The following PRKAG2 variants were observed in gnomAD, a reference collection of about 807,000 sequenced individuals.
PRKAG2 encodes the protein 5'-AMP-activated protein kinase subunit gamma-2.
In PRKAG2, 26 loss-of-function variants were observed where a neutral mutation model predicts 69.6. That is an observed-to-expected ratio of 0.37 (90% confidence interval 0.27 to 0.52). The LOEUF (loss-of-function observed/expected upper bound fraction) is 0.52, where lower values mean the gene tolerates loss of function less well. PRKAG2 is among the 20% of genes least tolerant of loss of function. The pLI is 0.90. For synonymous variants in PRKAG2, 293 were observed against 285.0 expected (o/e 1.03, Z -0.28); for missense variants, 557 against 740.0 (o/e 0.75, Z 2.87).
intron 1 of PRKAG2, among the ~76,000 whole-genome samples, chr7:151,797,721 C>T (rs2077628217): frequency 6.6e-6 from 1 of 152,180 alleles, no homozygotes; most frequent in African/African-American, 2.4e-5. Context: ...GAGGAAATAC[C>T]ATGGACTTAA....
At position 151,773,249 on chromosome 7, in the gene PRKAG2, G is replaced by A. The variant is rs138098152; in HGVS notation, c.466+7903C>T. Among the ~76,000 whole-genome samples the A allele has an allele frequency of 4.8e-3, 701 of 146,744 alleles. 6 individuals are homozygous for A. Among genetic ancestry groups the A allele is most frequent in the African/African-American group, 0.017 (669 of 39,764 alleles). ...GAAAGAAAGGAAAGGAAAGAAAGAA[G>A]GAAAGAAAGAAAGAAAGAGAAAGAA... On this transcript the variant is annotated intron_variant, in intron 3 of 15. Coordinates refer to ENST00000287878, the MANE Select transcript of PRKAG2 (RefSeq NM_016203.4).
intron 1 of PRKAG2, among the ~76,000 whole-genome samples, chr7:151,792,948 G>A (rs942891124): frequency 6.6e-6 from 1 of 152,210 alleles, no homozygotes; most frequent in African/African-American, 2.4e-5. Context: ...GGAGCCGGGG[G>A]CTGAGCCGGA....
At chr7:151,574,824 A>G (rs1808502375) in intron 8 of PRKAG2, 67 bp downstream of exon 8, 2 of 1,605,534 alleles carry the variant, frequency 1.2e-6, no homozygotes, top group Non-Finnish European at 1.7e-6. Context: ...AAATACACAC[A>G]TATACCTACA....
intron 1 of PRKAG2, among the ~76,000 whole-genome samples, chr7:151,861,263 G>C (rs1347956543): frequency 6.6e-6 from 1 of 152,212 alleles, no homozygotes; most frequent in Non-Finnish European, 1.5e-5. Flanking sequence ...GGGCATGGTA[G>C]CTCATGCCTG....
Position 151,763,068 on chromosome 7 carries a change from C to T in PRKAG2, c.466+18084G>A, listed in dbSNP as rs549540928. On this transcript the variant is annotated intron_variant, in intron 3 of 15. Transcript: ENST00000287878. ...CCGGCTCCTCCCCTCTCAGCCTGCA[C>T]GTGCTTCTCCCACCTTACAAAGAAC... Among the ~76,000 whole-genome samples the T allele has an allele frequency of 1.9e-4, 29 of 152,314 alleles. No homozygotes were observed. In the South Asian group the frequency reaches 5.2e-3, roughly 27 times the overall value.
intron 3 of PRKAG2, among the ~76,000 whole-genome samples, chr7:151,744,240 C>T (rs2074114141): frequency 6.6e-6 from 1 of 152,184 alleles, no homozygotes. Flanking sequence ...AGCCGGTGCC[C>T]CGGGGCCACG....
rs2075085703 is a variant in PRKAG2 at position 151,756,378 on chromosome 7, G to A, written c.466+24774C>T. On this transcript the variant is annotated intron_variant, in intron 3 of 15. Transcript: ENST00000287878. The surrounding 1 kb of genome is among the most constrained non-coding windows in gnomAD (Gnocchi z 4.9). ...TTTCCTGTCCTTGCAATGCTGGGAG[G>A]GACCCTAGATGGATTTGTGGGTGCA... is the stretch of plus-strand genomic sequence containing the variant. Among the ~76,000 whole-genome samples the A allele has an allele frequency of 6.6e-6, 1 of 152,228 alleles. No individual in the cohort carries two copies. Among genetic ancestry groups the A allele is most frequent in the Non-Finnish European group, 1.5e-5 (1 of 68,046 alleles).
intron 1 of PRKAG2, among the ~76,000 whole-genome samples, chr7:151,853,007 G>C (rs1465992897): frequency 6.6e-6 from 1 of 152,214 alleles, no homozygotes; most frequent in Non-Finnish European, 1.5e-5. Context: ...TCCAAAGGTA[G>C]GGGCGGCTGC....
In PRKAG2 at chr7:151,851,941, C is replaced by A. The variant is rs532515662; in HGVS notation, c.114+24566G>T. ...CTGGTGAAGGGCTTCCCTCCACTCC[C>A]TCTCAGCTGGAGGGCAGGGGGCAGT... is the stretch of plus-strand genomic sequence containing the variant. On this transcript the variant is annotated intron_variant, in intron 1 of 15. Coordinates refer to ENST00000287878, the MANE Select transcript of PRKAG2 (RefSeq NM_016203.4). Among the ~76,000 whole-genome samples the A allele has an allele frequency of 2.6e-5, 4 of 152,314 alleles. No individual in the cohort carries two copies. The East Asian group carries it at 7.7e-4, about 29-fold the overall frequency.
intron 3 of PRKAG2, among the ~76,000 whole-genome samples, chr7:151,703,715 AT>A (rs1406628622): frequency 1.3e-5 from 2 of 151,888 alleles, no homozygotes; most frequent in Admixed American, 6.6e-5. Flanking sequence ...ATTTAAAAAA[AT>A]TTTTTTGGCT....
At chr7:151,774,073 G>A (rs1007604332) in intron 3 of PRKAG2, among the ~76,000 whole-genome samples, 2 of 152,188 alleles carry the variant, frequency 1.3e-5, no homozygotes, top group Middle Eastern at 3.2e-3. Flanking sequence ...GGGAGAGACG[G>A]AAAAGTGGGG....
At chr7:151,848,405 G>T (rs773020364) in intron 1 of PRKAG2, among the ~76,000 whole-genome samples, 1 of 150,908 alleles carries the variant, frequency 6.6e-6, no homozygotes, top group Non-Finnish European at 1.5e-5. Context: ...CCTCGTCTCG[G>T]ACTTTCCAGC....
chr7:151,670,062 G>A (rs73158144), intron 4 of PRKAG2, among the ~76,000 whole-genome samples: 22,476 of 126,046 alleles, frequency 0.18, 1,912 homozygotes, highest in East Asian at 0.42. Context: ...GCACATACCC[G>A]CATGCACACT....
chr7:151,767,089 A>T (rs2075773663), intron 3 of PRKAG2, among the ~76,000 whole-genome samples: 1 of 152,146 alleles, frequency 6.6e-6, no homozygotes, highest in Non-Finnish European at 1.5e-5. Flanking sequence ...GAACACAGAG[A>T]CATGTGCATG....
intron 5 of PRKAG2, among the ~76,000 whole-genome samples, chr7:151,617,378 T>C (rs903652026): frequency 6.6e-6 from 1 of 151,522 alleles, no homozygotes; most frequent in Non-Finnish European, 1.5e-5. Context: ...CTGCAAATAA[T>C]CCGAGTGTGG....
At chr7:151,784,098 C>G (rs2076875287) in intron 2 of PRKAG2, among the ~76,000 whole-genome samples, 2 of 152,016 alleles carry the variant, frequency 1.3e-5, no homozygotes, top group African/African-American at 4.8e-5. Flanking sequence ...GGTCACAGCT[C>G]AGTTTCCCGC....
At chr7:151,761,588 G>A (rs894352309) in intron 3 of PRKAG2, among the ~76,000 whole-genome samples, 30 of 152,028 alleles carry the variant, frequency 2.0e-4, no homozygotes, top group African/African-American at 5.8e-4. Context: ...GTCCCTGCCC[G>A]CCAAACTATC....
At chr7:151,774,431 T>C (rs1029488740) in intron 3 of PRKAG2, among the ~76,000 whole-genome samples, 1 of 152,200 alleles carries the variant, frequency 6.6e-6, no homozygotes, top group African/African-American at 2.4e-5. Flanking sequence ...AATTACCTCT[T>C]TTTCCTTTTT....
chr7:151,628,294 C>T (rs1823519850), intron 5 of PRKAG2, among the ~76,000 whole-genome samples: 2 of 152,216 alleles, frequency 1.3e-5, no homozygotes, highest in South Asian at 2.1e-4. Context: ...TGTTTAGGTG[C>T]TTACAAAGTA....
Sources: allele counts gnomAD v4.1 joint callset (sites outside exome capture counted in the v4.1 genomes callset), GRCh38; gene constraint gnomAD v4.1.1; non-coding constraint Gnocchi (gnomAD v3.1); transcripts MANE v1.5; gene names NCBI Gene and HGNC (gene_info 2026-07-23, HGNC 2026-07-21).